The following DDX42 variants were observed in gnomAD, a reference collection of about 807,000 sequenced individuals.
The protein encoded by DDX42 is ATP-dependent RNA helicase DDX42.
Under a neutral mutation model 101.5 loss-of-function variants are expected in DDX42, and 22 were observed. The observed-to-expected ratio is 0.22, with a 90% CI of 0.15 to 0.31. DDX42 has a LOEUF of 0.31. Among genes scored for constraint, DDX42 ranks in the 10% least tolerant of loss-of-function variants. The probability of loss-of-function intolerance (pLI) is 1.00; values close to 1 mark genes in which losing one functional copy is unlikely to be tolerated. For synonymous variants in DDX42, 402 were observed against 401.2 expected (o/e 1.00, Z -0.02); for missense variants, 849 against 1,199.9 (o/e 0.71, Z 4.32).
intron 14 of DDX42, among the ~76,000 whole-genome samples, chr17:63,812,981 T>C (rs2039930666): frequency 6.6e-6 from 1 of 152,150 alleles, no homozygotes; most frequent in Non-Finnish European, 1.5e-5. Context: ...GCCGAGATCA[T>C]GGCACTGCAC....
chr17:63,787,498 T>C (rs2039560843), intron 2 of DDX42, among the ~76,000 whole-genome samples: 1 of 152,204 alleles, frequency 6.6e-6, no homozygotes, highest in African/African-American at 2.4e-5. Flanking sequence ...CAGTGTTACG[T>C]CCTACTGGGC....
chr17:63,815,505 C>A, intron 15 of DDX42, 58 bp from the exon 16 acceptor site: 1 of 1,333,744 alleles, frequency 7.5e-7, no homozygotes, highest in Non-Finnish European at 1.1e-6. Flanking sequence ...TGTCCTCGTT[C>A]TCTTCTTCTG....
Position 63,774,228 on chromosome 17 carries a change from CGGCGGTGGT to C in DDX42, c.-162_-154del, listed in dbSNP as rs1485871401. 1.3e-5 allele frequency: 3 copies of C among 234,718 alleles called. No homozygotes were observed. The highest frequency in any genetic ancestry group is 9.9e-5 in the South Asian group (1 of 10,058). 14.5% of individuals were successfully genotyped at this position (234,718 alleles called of 1,614,324 possible). On this transcript the variant is annotated 5_prime_UTR_variant, in exon 1 of 18. Coordinates refer to ENST00000389924, the MANE Select transcript of DDX42 (RefSeq NM_203499.3). ...GCGGTGGCGGTGGTGGCGGTGGCGG[CGGCGGTGGT>C]GGTGGTGGCGGCGGCGGCGGCGAAG... is the stretch of plus-strand genomic sequence containing the variant.
chr17:63,793,856 T>TTATATATATATATA (rs138103837), intron 3 of DDX42, among the ~76,000 whole-genome samples: 2 of 70,682 alleles, frequency 2.8e-5, no homozygotes, highest in Admixed American at 1.2e-4. Context: ...GCAGAAAAAT[T>TTATATATATATATA]TATATATATA....
At position 63,809,555 on chromosome 17, in the gene DDX42, T is replaced by TA; in HGVS notation, c.1153-4dup. ...TACTTACTGTTCATTTTGTTGATCT[T>TA]ATAGGGTCGACTGATAGATCATGTG... On this transcript the variant is annotated splice_region_variant and splice_polypyrimidine_tract_variant and intron_variant, in intron 10 of 17. Transcript: ENST00000389924. The TA allele has an allele frequency of 6.2e-7, 1 of 1,612,138 alleles. No individual in the cohort carries two copies. Among genetic ancestry groups the TA allele is most frequent in the East Asian group, 2.2e-5 (1 of 44,864 alleles).
At chr17:63,788,957 C>T (rs144345590) in intron 2 of DDX42, among the ~76,000 whole-genome samples, 5 of 151,874 alleles carry the variant, frequency 3.3e-5, no homozygotes, top group South Asian at 2.1e-4. Flanking sequence ...TGGAGTGGTG[C>T]GATCAAGGCT....
intron 2 of DDX42, among the ~76,000 whole-genome samples, chr17:63,790,062 T>G (rs1411218369): frequency 6.6e-6 from 1 of 152,124 alleles, no homozygotes; most frequent in Non-Finnish European, 1.5e-5. Context: ...GTGGAAAGAC[T>G]GCTTGAGCCC....
rs2039825965 is a variant in DDX42 at position 63,805,344 on chromosome 17, T to A, written c.726+169T>A. On this transcript the variant is annotated intron_variant, in intron 7 of 17. Transcript: ENST00000389924. ...CTGTTCATGTCTCTTAATTTGATTGTTTTAGTCTTCTAGATGCTGTTTTAG... is the reference window on the plus strand; with the variant it reads ...CTGTTCATGTCTCTTAATTTGATTGATTTAGTCTTCTAGATGCTGTTTTAG... 10 of 814,272 alleles carry A rather than the reference T, an allele frequency of 1.2e-5. No individual in the cohort carries two copies. In the South Asian group the frequency reaches 2.0e-4, roughly 16 times the overall value. 50.4% of individuals were successfully genotyped at this position (814,272 alleles called of 1,614,324 possible). A position where few individuals can be genotyped will look rare whatever the true frequency, so the allele number is the denominator to read the frequency against.
Position 63,774,357 on chromosome 17 carries a change from C to T in DDX42, c.-36C>T, listed in dbSNP as rs1236676828. The T allele has an allele frequency of 8.3e-6, 2 of 239,654 alleles. No homozygotes were observed. The highest frequency in any genetic ancestry group is 1.7e-4 in the East Asian group (2 of 11,926). The allele number at this position is 239,654 out of a possible 1,614,324, so 14.8% of individuals were successfully genotyped here. A position where few individuals can be genotyped will look rare whatever the true frequency, so the allele number is the denominator to read the frequency against. Reference sequence around the variant, plus strand: ...CCGCGCCCGCGGTTGTAGCAGCTGCCGCTGCAGCCATAGCAGCAGGTTTGT... The same window carrying T: ...CCGCGCCCGCGGTTGTAGCAGCTGCTGCTGCAGCCATAGCAGCAGGTTTGT... On this transcript the variant is annotated 5_prime_UTR_variant, in exon 1 of 18. Transcript: ENST00000389924.
intron 11 of DDX42, 124 bp from the exon 12 acceptor site, chr17:63,810,389 C>A: frequency 2.1e-6 from 2 of 946,034 alleles, no homozygotes; most frequent in Non-Finnish European, 1.6e-6. Context: ...CTGTGCCTGG[C>A]CTGGGGTTTC....
chr17:63,775,272 G>A (rs1267783934), intron 1 of DDX42: 2 of 152,608 alleles, frequency 1.3e-5, no homozygotes, highest in African/African-American at 4.8e-5. Flanking sequence ...GAAGCATTGT[G>A]TAGCCTAATG....
In DDX42 at chr17:63,817,715, G is replaced by C; in HGVS notation, c.2134G>C (p.Val712Leu). The C allele has an allele frequency of 6.2e-7, 1 of 1,614,194 alleles. No individual in the cohort carries two copies. The highest frequency in any genetic ancestry group is 8.5e-7 in the Non-Finnish European group (1 of 1,180,032). Residue 712 changes from valine to leucine, a missense_variant, in exon 18 of 18, where the codon GTT (valine) becomes CTT (leucine). Val to Leu is a conservative substitution (Grantham distance 32, BLOSUM62 1). Coordinates refer to ENST00000389924, the MANE Select transcript of DDX42 (RefSeq NM_203499.3). ...TCAGTCACAGTACAAGAGTCACTTTGTTGCAGCCAGTTTAAGTAATCAGAA... is the reference window on the plus strand; with the variant it reads ...TCAGTCACAGTACAAGAGTCACTTTCTTGCAGCCAGTTTAAGTAATCAGAA... ...AFQSQYKSHF[V>L]AASLSNQKAG...
Position 63,818,262 on chromosome 17 carries a change from G to GCAAGATGGAGCC in DDX42, c.2691_2702dup (p.Met900_Lys903dup), listed in dbSNP as rs745599194. ...AGGAAAGAAGCTTTTAATCGTGAGA[G>GCAAGATGGAGCC]CAAGATGGAGCCCAAGATGGAACCC... is the stretch of plus-strand genomic sequence containing the variant. On this transcript the variant is annotated inframe_insertion, in exon 18 of 18. Coordinates refer to ENST00000389924, the MANE Select transcript of DDX42 (RefSeq NM_203499.3). 4 of 1,614,016 alleles carry GCAAGATGGAGCC rather than the reference G, an allele frequency of 2.5e-6. No homozygotes were observed.
At chr17:63,793,153 A>G (rs2039649484) in intron 3 of DDX42, among the ~76,000 whole-genome samples, 1 of 152,094 alleles carries the variant, frequency 6.6e-6, no homozygotes, top group East Asian at 1.9e-4. Flanking sequence ...AATAAAATGA[A>G]CCTTCATGTA....
chr17:63,817,899 G>C lies in DDX42; in HGVS notation c.2318G>C (p.Ser773Thr), dbSNP rs779359832. Residue 773 changes from serine (S) to threonine (T), a missense_variant, in exon 18 of 18, where the codon AGT becomes ACT. Physicochemically the swap from Ser to Thr is moderately conservative, Grantham distance 58. Transcript: ENST00000389924. The stretch of plus-strand genomic sequence containing the variant: ...GGCTTTGGCAATACTGGCAACATCA[G>C]TGGTGCCCCTGTGACCTACCCGTCT... ...IPGFGNTGNI[S>T]GAPVTYPSAG... 3 of 1,614,190 alleles carry C rather than the reference G, an allele frequency of 1.9e-6. No homozygotes were observed. Among genetic ancestry groups the C allele is most frequent in the Non-Finnish European group, 2.5e-6 (3 of 1,180,030 alleles).
In DDX42 at chr17:63,800,510, G is replaced by T; in HGVS notation, c.514G>T (p.Val172Leu). The T allele has an allele frequency of 6.2e-7, 1 of 1,614,094 alleles. No individual in the cohort carries two copies. Among genetic ancestry groups the T allele is most frequent in the Non-Finnish European group, 8.5e-7 (1 of 1,179,996 alleles). Residue 172 changes from valine to leucine, a missense_variant, in exon 6 of 18, where the codon GTG (valine) becomes TTG (leucine). Transcript: ENST00000389924. ...CATGGCAGAAAACCCAACTGCTGGT[G>T]TGGTTCAGGAGGAAGAGGAAGACAA... is the stretch of plus-strand genomic sequence containing the variant. ...RYMAENPTAG[V>L]VQEEEEDNLE...
chr17:63,779,250 G>T (rs1171552117), intron 1 of DDX42, among the ~76,000 whole-genome samples: 1 of 151,754 alleles, frequency 6.6e-6, no homozygotes, highest in Admixed American at 6.6e-5. Flanking sequence ...CCCCAAGTGT[G>T]TTTTTTTTGT....
Position 63,787,091 on chromosome 17 carries a change from T to C in DDX42, c.42T>C (p.Phe14=). 6.2e-7 allele frequency: 1 copy of C among 1,614,254 alleles called. No individual in the cohort carries two copies. Reference sequence around the variant, plus strand: ...GTGGTCCTGGCACTAAGCGAGGATTTGGCTTTGGAGGTTTTGCCATCAGTG... The same window carrying C: ...GTGGTCCTGGCACTAAGCGAGGATTCGGCTTTGGAGGTTTTGCCATCAGTG... ...NKGGPGTKRG[F]GFGGFAISAG... The change falls in exon 2 of 18, where the codon TTT becomes TTC. Residue 14 remains phenylalanine, a synonymous_variant. Coordinates refer to ENST00000389924, the MANE Select transcript of DDX42 (RefSeq NM_203499.3).
intron 1 of DDX42, among the ~76,000 whole-genome samples, chr17:63,782,445 C>G (rs1322768590): frequency 6.6e-6 from 1 of 152,142 alleles, no homozygotes; most frequent in South Asian, 2.1e-4. Context: ...CTACTCAGCT[C>G]TCTCATAGAT....
Sources: allele counts gnomAD v4.1 joint callset (sites outside exome capture counted in the v4.1 genomes callset), GRCh38; gene constraint gnomAD v4.1.1; transcripts MANE v1.5; gene names NCBI Gene and HGNC (gene_info 2026-07-23, HGNC 2026-07-21).